Variants in SLC25A48 observed in about 807,000 individuals in gnomAD.
SLC25A48 encodes CTC-321K16.1.
A neutral mutation model predicts 32.2 loss-of-function variants in SLC25A48; 29 were observed. That is an observed-to-expected ratio of 0.90 (90% confidence interval 0.67 to 1.23). The LOEUF is 1.23. Among genes scored for constraint, SLC25A48 ranks in the 50% most tolerant of loss-of-function variants. The pLI is 0.00. For missense variants in SLC25A48, 399 were observed against 422.7 expected (o/e 0.94, Z 0.49); for synonymous variants, 164 against 172.3 (o/e 0.95, Z 0.38).
intron 1 of SLC25A48, among the ~76,000 whole-genome samples, chr5:135,598,120 T>C (rs1751703023): frequency 6.6e-6 from 1 of 152,058 alleles, no homozygotes; most frequent in Admixed American, 6.5e-5. Flanking sequence ...CAATGCAAAG[T>C]GTTACCCACT....
chr5:135,853,350 G>C (rs888853094), intron 4 of SLC25A48, among the ~76,000 whole-genome samples: 1 of 152,134 alleles, frequency 6.6e-6, no homozygotes, highest in African/African-American at 2.4e-5. Flanking sequence ...TTTCTCTATA[G>C]CATGAGACGC....
chr5:135,683,859 T>C (rs1440261974), intron 3 of SLC25A48, among the ~76,000 whole-genome samples: 1 of 152,126 alleles, frequency 6.6e-6, no homozygotes, highest in Non-Finnish European at 1.5e-5. Flanking sequence ...AGCTTGGATC[T>C]AGAATGTCCC....
At chr5:135,882,490 C>G (rs1762547778) in intron 7 of SLC25A48, among the ~76,000 whole-genome samples, 1 of 152,046 alleles carries the variant, frequency 6.6e-6, no homozygotes, top group African/African-American at 2.4e-5. Context: ...TGGGGACCAT[C>G]TCGAGAGTTC....
chr5:135,763,789 A>G lies in SLC25A48; in HGVS notation c.-520-48734A>G, dbSNP rs549897730. On this transcript the variant is annotated intron_variant, in intron 3 of 10. Coordinates refer to the SLC25A48 transcript ENST00000646290. The stretch of plus-strand genomic sequence containing the variant: ...TACACACACACACACACACACACAC[A>G]CGAGAGAGAGACAGAGAAAACCCAG... Among the ~76,000 whole-genome samples, 81 of 151,430 alleles carry G rather than the reference A, an allele frequency of 5.3e-4. 1 individual carries two copies. The South Asian group carries it at 0.013, about 25-fold the overall frequency.
At chr5:135,737,599 GA>G (rs1440580872) in intron 3 of SLC25A48, among the ~76,000 whole-genome samples, 4 of 152,128 alleles carry the variant, frequency 2.6e-5, no homozygotes, top group Non-Finnish European at 5.9e-5. Flanking sequence ...CTTAAAGATG[GA>G]AACCTGGAAA....
chr5:135,804,781 CATA>C (rs1325268767), intron 3 of SLC25A48, among the ~76,000 whole-genome samples: 2 of 151,304 alleles, frequency 1.3e-5, no homozygotes, highest in African/African-American at 2.4e-5. Flanking sequence ...TGAAAATATT[CATA>C]ATATTTTAGA....
At chr5:135,692,284 A>C (rs1160676533) in intron 3 of SLC25A48, among the ~76,000 whole-genome samples, 2 of 144,092 alleles carry the variant, frequency 1.4e-5, no homozygotes, top group East Asian at 4.1e-4. Flanking sequence ...ACACCACTGC[A>C]CTCCAGCCTG....
At chr5:135,684,584 A>G (rs889720596) in intron 3 of SLC25A48, among the ~76,000 whole-genome samples, 20 of 152,138 alleles carry the variant, frequency 1.3e-4, no homozygotes, top group African/African-American at 4.3e-4. Context: ...TAATTTTCCA[A>G]AGGCTACTCT....
At chr5:135,586,938 C>T (rs41486644) in intron 1 of SLC25A48, among the ~76,000 whole-genome samples, 4,084 of 152,186 alleles carry the variant, frequency 0.027, 65 homozygotes, top group Non-Finnish European at 0.039. Context: ...GGCTGCTGGA[C>T]GAAAGAAGGA....
intron 3 of SLC25A48, among the ~76,000 whole-genome samples, chr5:135,737,509 T>C (rs1176574788): frequency 6.6e-6 from 1 of 152,194 alleles, no homozygotes; most frequent in Non-Finnish European, 1.5e-5. Context: ...GTAGAACCTC[T>C]AGCTGAACCC....
intron 3 of SLC25A48, among the ~76,000 whole-genome samples, chr5:135,758,920 G>A (rs1450273736): frequency 1.3e-5 from 2 of 150,580 alleles, no homozygotes; most frequent in Admixed American, 6.6e-5. Context: ...ATAATATTAA[G>A]TGTTAACACA....
intron 3 of SLC25A48, among the ~76,000 whole-genome samples, chr5:135,716,974 A>G (rs1445761689): frequency 1.3e-5 from 2 of 152,196 alleles, no homozygotes; most frequent in Non-Finnish European, 2.9e-5. Context: ...TTTATGTACT[A>G]TGGGCCTTGG....
chr5:135,615,547 C>T (rs1752166482), intron 1 of SLC25A48, among the ~76,000 whole-genome samples: 2 of 152,204 alleles, frequency 1.3e-5, no homozygotes, highest in Non-Finnish European at 1.5e-5. Context: ...ACCATATGCT[C>T]ACATAAATGA....
intron 3 of SLC25A48, among the ~76,000 whole-genome samples, chr5:135,687,562 CT>C (rs928841982): frequency 2.0e-5 from 3 of 151,866 alleles, no homozygotes; most frequent in African/African-American, 7.3e-5. Context: ...CAGGTCAAGT[CT>C]TTTTTTTAAT....
chr5:135,619,604 G>A (rs778632929), intron 1 of SLC25A48, among the ~76,000 whole-genome samples: 12 of 152,082 alleles, frequency 7.9e-5, no homozygotes, highest in Non-Finnish European at 1.6e-4. Context: ...ATGGTGACAT[G>A]GTGTCACAGT....
intron 3 of SLC25A48, among the ~76,000 whole-genome samples, chr5:135,656,934 A>G (rs1210077550): frequency 2.6e-5 from 4 of 152,284 alleles, no homozygotes; most frequent in South Asian, 4.1e-4. Context: ...AAACAATAAT[A>G]TGCTGTCTGA....
chr5:135,653,114 C>T (rs1237994983), intron 3 of SLC25A48, among the ~76,000 whole-genome samples: 3 of 152,200 alleles, frequency 2.0e-5, no homozygotes, highest in Non-Finnish European at 4.4e-5. Context: ...ACACAAGATG[C>T]TGGCACCCTG....
upstream of SLC25A48, among the ~76,000 whole-genome samples, chr5:135,833,064 T>A (rs1758267319): frequency 6.6e-6 from 1 of 152,248 alleles, no homozygotes; most frequent in African/African-American, 2.4e-5. Flanking sequence ...CTCATAGCCC[T>A]GTGGTCTGGG....
intron 1 of SLC25A48, among the ~76,000 whole-genome samples, chr5:135,607,483 C>T (rs1440876740): frequency 6.6e-6 from 1 of 152,174 alleles, no homozygotes; most frequent in African/African-American, 2.4e-5. Context: ...GGTATAACAG[C>T]GAGGAAGACC....
Sources: allele counts gnomAD v4.1 joint callset (sites outside exome capture counted in the v4.1 genomes callset), GRCh38; gene constraint gnomAD v4.1.1; transcripts MANE v1.5; gene names NCBI Gene and HGNC (gene_info 2026-07-23, HGNC 2026-07-21).